The following NFIA variants were observed in gnomAD, a reference collection of about 807,000 sequenced individuals.
NFIA encodes nuclear factor 1 A-type.
Under a neutral mutation model 62.8 loss-of-function variants are expected in NFIA, and 8 were observed. The ratio of observed to expected loss-of-function variants is 0.13; its 90% CI spans 0.07 to 0.23. The LOEUF (loss-of-function observed/expected upper bound fraction) is 0.23, where lower values mean the gene tolerates loss of function less well. Among genes scored for constraint, NFIA ranks in the 10% least tolerant of loss-of-function variants. The probability of loss-of-function intolerance (pLI) is 1.00; values close to 1 mark genes in which losing one functional copy is unlikely to be tolerated. For synonymous variants in NFIA, 235 were observed against 238.1 expected (o/e 0.99, Z 0.12); for missense variants, 410 against 642.1 (o/e 0.64, Z 3.91).
rs1158591644 is a variant in NFIA at position 61,461,446 on chromosome 1, A to G, written c.*6126A>G. On this transcript the variant is annotated 3_prime_UTR_variant, in exon 11 of 11. Coordinates refer to ENST00000403491, the MANE Select transcript of NFIA (RefSeq NM_001134673.4). ...TTTTTTAATATACTTTTTTTGGTCT[A>G]AATTTGAAATTACTTGCTTCCCAAA... is the stretch of plus-strand genomic sequence containing the variant. 1 of 152,198 alleles carries G rather than the reference A, an allele frequency of 6.6e-6. No homozygotes were observed. The highest frequency in any genetic ancestry group is 1.5e-5 in the Non-Finnish European group (1 of 68,034). The allele number at this position is 152,198 out of a possible 1,614,324, so 9.4% of individuals were successfully genotyped here. A position where few individuals can be genotyped will look rare whatever the true frequency, so the allele number is the denominator to read the frequency against.
Position 61,352,771 on chromosome 1 carries a change from ACACACACACACACG to A in NFIA, c.818+214_818+227del, listed in dbSNP as rs1370754489. ...CAAGATTAAATACACACACACACACACACACACACACACGCACACACACTAAAAAACTGTGAACT... is the reference window on the plus strand; with the variant it reads ...CAAGATTAAATACACACACACACACACACACACACTAAAAAACTGTGAACT... On this transcript the variant is annotated intron_variant, in intron 5 of 10. Transcript: ENST00000403491. 4.1e-3 allele frequency among the ~76,000 whole-genome samples: 618 copies of A among 151,858 alleles called. 4 individuals are homozygous for A. Among genetic ancestry groups the A allele is most frequent in the African/African-American group, 0.014 (596 of 41,424 alleles).
At position 61,134,245 on chromosome 1, in the gene NFIA, A is replaced by AGTGTGT. The variant is rs61677972; in HGVS notation, c.559+45602_559+45607dup. On this transcript the variant is annotated intron_variant, in intron 2 of 10. Transcript: ENST00000403491. ...GGGTGCTTTACAGACTGTGTGTGTGAGTGTGTGTGTGTGTGTGTGTGTGTG... is the reference window on the plus strand; with the variant it reads ...GGGTGCTTTACAGACTGTGTGTGTGAGTGTGTGTGTGTGTGTGTGTGTGTGTGTGTG... 6.7e-4 allele frequency among the ~76,000 whole-genome samples: 98 copies of AGTGTGT among 146,410 alleles called. 2 individuals are homozygous for AGTGTGT. The East Asian group carries it at 8.5e-3, about 13-fold the overall frequency.
intron 3 of NFIA, among the ~76,000 whole-genome samples, chr1:61,296,191 A>G (rs1659181812): frequency 6.6e-6 from 1 of 152,218 alleles, no homozygotes; most frequent in South Asian, 2.1e-4. Context: ...AATAAATACA[A>G]CACTGAATAA....
At chr1:61,082,418 G>C (rs1365454663), upstream of NFIA, 7 of 940,796 alleles carry the variant, frequency 7.4e-6, no homozygotes, top group African/African-American at 7.2e-5. Context: ...TGTGCGGTGC[G>C]GTGCAGAGCG....
rs143924172 is a variant in NFIA at position 61,354,668 on chromosome 1, C to T, written c.818+2101C>T. 6.0e-4 allele frequency among the ~76,000 whole-genome samples: 91 copies of T among 152,288 alleles called. 2 individuals are homozygous for T. The East Asian group carries it at 0.014, about 23-fold the overall frequency. On this transcript the variant is annotated intron_variant, in intron 5 of 10. Transcript: ENST00000403491. ...AAATATGCTCTTTTCACACAGAATC[C>T]TCTTGAGAATAGGACTGACTCTTTT...
At chr1:61,112,117 TAGAA>T (rs1398347385) in intron 2 of NFIA, among the ~76,000 whole-genome samples, 4 of 65,546 alleles carry the variant, frequency 6.1e-5, no homozygotes, top group African/African-American at 2.1e-4. Flanking sequence ...TTGTCCAAAA[TAGAA>T]AGATTTTTTT....
intron 3 of NFIA, among the ~76,000 whole-genome samples, chr1:61,310,009 T>A (rs1288698990): frequency 6.6e-6 from 1 of 152,356 alleles, no homozygotes; most frequent in East Asian, 1.9e-4. Flanking sequence ...TGGAAGTCTG[T>A]TTTTAAAGCC....
At chr1:61,183,909 T>A (rs951950885) in intron 2 of NFIA, among the ~76,000 whole-genome samples, 22 of 151,556 alleles carry the variant, frequency 1.5e-4, no homozygotes, top group Admixed American at 1.4e-3. Context: ...TGCGCAAACT[T>A]GGGATGTGCT....
At chr1:61,405,074 A>C (rs1468713354) in intron 8 of NFIA, among the ~76,000 whole-genome samples, 1 of 152,230 alleles carries the variant, frequency 6.6e-6, no homozygotes, top group Non-Finnish European at 1.5e-5. Flanking sequence ...ATAACTGTGC[A>C]TGAAGTCACA....
chr1:61,393,257 C>CTCTCTCTCTCTCTCTG (rs1665084738), intron 7 of NFIA, among the ~76,000 whole-genome samples: 1 of 68,932 alleles, frequency 1.5e-5, no homozygotes, highest in Non-Finnish European at 2.4e-5. Flanking sequence ...CTCTCTCTCT[C>CTCTCTCTCTCTCTCTG]TCTCTCTCTC....
chr1:61,217,069 T>C (rs2100611538), intron 2 of NFIA, among the ~76,000 whole-genome samples: 2 of 151,196 alleles, frequency 1.3e-5, no homozygotes, highest in South Asian at 4.2e-4. Flanking sequence ...TTTCTTTTTT[T>C]TTTTTGAGAT....
intron 3 of NFIA, among the ~76,000 whole-genome samples, chr1:61,304,516 T>A (rs1303657433): frequency 1.3e-5 from 2 of 152,162 alleles, no homozygotes; most frequent in Non-Finnish European, 2.9e-5. Flanking sequence ...ATAGTTGGGA[T>A]ACGTTTCAAA....
At chr1:61,247,503 A>G (rs1161899699) in intron 2 of NFIA, among the ~76,000 whole-genome samples, 1 of 152,148 alleles carries the variant, frequency 6.6e-6, no homozygotes, top group Non-Finnish European at 1.5e-5. Context: ...CGTTAATGTC[A>G]TGCAGGCCTT....
chr1:61,394,124 A>G (rs1367717864), intron 7 of NFIA, among the ~76,000 whole-genome samples: 1 of 152,208 alleles, frequency 6.6e-6, no homozygotes, highest in Non-Finnish European at 1.5e-5. Flanking sequence ...ACCTGTGTAC[A>G]TTAATGCTAA....
intron 6 of NFIA, among the ~76,000 whole-genome samples, chr1:61,378,335 A>G (rs1472546911): frequency 6.6e-6 from 1 of 152,148 alleles, no homozygotes; most frequent in Non-Finnish European, 1.5e-5. Context: ...AAAAGTATTT[A>G]TGTCCCTCGA....
At chr1:61,403,213 G>T (rs1412162079) in intron 7 of NFIA, among the ~76,000 whole-genome samples, 1 of 152,200 alleles carries the variant, frequency 6.6e-6, no homozygotes, top group East Asian at 1.9e-4. Context: ...GCTTGACTTG[G>T]TTTGAATATC....
intron 2 of NFIA, among the ~76,000 whole-genome samples, chr1:61,232,955 C>T (rs1381081207): frequency 6.6e-6 from 1 of 151,948 alleles, no homozygotes. Flanking sequence ...TCTTTTAGTT[C>T]TGGTTTGTTC....
At chr1:61,183,425 C>T (rs80089266) in intron 2 of NFIA, among the ~76,000 whole-genome samples, 59 of 152,270 alleles carry the variant, frequency 3.9e-4, no homozygotes, top group Non-Finnish European at 6.5e-4. Flanking sequence ...TGGAGGAACA[C>T]CGATAAACCA....
At chr1:61,449,778 GAAAAT>G (rs374890657) in intron 10 of NFIA, among the ~76,000 whole-genome samples, 296 of 152,292 alleles carry the variant, frequency 1.9e-3, no homozygotes, top group African/African-American at 7.0e-3. Context: ...CTTTAATTAA[GAAAAT>G]AAAATCAGGC....
Sources: allele counts gnomAD v4.1 joint callset (sites outside exome capture counted in the v4.1 genomes callset), GRCh38; gene constraint gnomAD v4.1.1; transcripts MANE v1.5; gene names NCBI Gene and HGNC (gene_info 2026-07-23, HGNC 2026-07-21).